The following RELB variants were observed in gnomAD, a reference collection of about 807,000 sequenced individuals.
RELB encodes transcription factor RelB.
RELB carries 14 observed loss-of-function variants against 55.4 expected under a neutral mutation model. That is an observed-to-expected ratio of 0.25 (90% CI 0.17 to 0.40). The LOEUF (loss-of-function observed/expected upper bound fraction) is 0.40. Among genes scored for constraint, RELB ranks in the 10% least tolerant of loss-of-function variants. The pLI is 1.00. For missense variants in RELB, 669 were observed against 830.7 expected, an observed-to-expected ratio of 0.81 and a Z score of 2.39; for synonymous variants, 409 against 371.3, an observed-to-expected ratio of 1.10 and a Z score of -1.17.
At chr19:45,027,629 A>G (rs1844229481) in intron 7 of RELB, among the ~76,000 whole-genome samples, 1 of 152,052 alleles carries the variant, frequency 6.6e-6, no homozygotes, top group African/African-American at 2.4e-5. Context: ...GCATGCGCTC[A>G]ATTACTGCTG....
chr19:45,003,279 G>T (rs1318927898), intron 2 of RELB, among the ~76,000 whole-genome samples: 1 of 152,050 alleles, frequency 6.6e-6, no homozygotes, highest in East Asian at 1.9e-4. Context: ...AGACCATCCT[G>T]GCTAACACGG....
chr19:45,022,074 C>A lies in RELB; in HGVS notation c.526C>A (p.Arg176=), dbSNP rs1207285652. ...AIELRDCGGL[R]EVEVTACLVW... ...GCAGCTCCGGGATTGTGGAGGGCTG[C>A]GGGAGGTGGAGGTGACTGCCTGCCT... Residue 176 remains arginine, a synonymous_variant, in exon 5 of 12, where the codon CGG becomes AGG. Coordinates refer to ENST00000221452, the MANE Select transcript of RELB (RefSeq NM_006509.4). 6.2e-7 allele frequency: 1 copy of A among 1,611,806 alleles called. No homozygotes were observed. Among genetic ancestry groups the A allele is most frequent in the Non-Finnish European group, 8.5e-7 (1 of 1,178,948 alleles).
At position 45,032,682 on chromosome 19, in the gene RELB, C is replaced by T; in HGVS notation, c.1140C>T (p.Phe380=). 6.2e-7 allele frequency: 1 copy of T among 1,611,254 alleles called. No individual in the cohort carries two copies. The highest frequency in any genetic ancestry group is 8.5e-7 in the Non-Finnish European group (1 of 1,178,906). ...EIVEPVTVNV[F]LQRLTDGVCS... ...TCGAGCCCGTGACAGTCAACGTCTT[C>T]CTGCAGCGGCTCACCGATGGGGTCT... Residue 380 remains phenylalanine (F), a synonymous_variant, in exon 9 of 12, where the codon TTC becomes TTT. Coordinates refer to ENST00000221452, the MANE Select transcript of RELB (RefSeq NM_006509.4).
chr19:45,025,825 G>A (rs565179150), intron 7 of RELB, 88 bp downstream of exon 7: 17 of 1,533,610 alleles, frequency 1.1e-5, no homozygotes, highest in African/African-American at 8.2e-5. Flanking sequence ...TGGCTCAGGC[G>A]CTGTGGCTCA....
chr19:45,022,295 G>A, intron 5 of RELB, 85 bp downstream of exon 5: 1 of 1,383,498 alleles, frequency 7.2e-7, no homozygotes, highest in African/African-American at 1.4e-5. Context: ...CTTTAGAGCA[G>A]AGGGCAGCTT....
chr19:45,018,678 T>A lies in RELB; in HGVS notation c.505-3375T>A, dbSNP rs148714499. Among the ~76,000 whole-genome samples, 241 of 151,932 alleles carry A rather than the reference T, an allele frequency of 1.6e-3. 2 individuals carry two copies. The highest frequency in any genetic ancestry group is 5.5e-3 in the African/African-American group (229 of 41,486). ...GTGAGTGCCTGTTATTTATTTATTT[T>A]TTTTTAATTTTTTTTGAGACAGAGT... On this transcript the variant is annotated intron_variant, in intron 4 of 11. Transcript: ENST00000221452.
chr19:45,004,587 G>A (rs1039957491), intron 2 of RELB, among the ~76,000 whole-genome samples: 7 of 151,554 alleles, frequency 4.6e-5, no homozygotes, highest in Admixed American at 3.3e-4. Flanking sequence ...ACATAATGTC[G>A]CCTGATGTGG....
chr19:45,037,044 C>T (rs908633439), intron 11 of RELB, among the ~76,000 whole-genome samples: 4 of 152,024 alleles, frequency 2.6e-5, no homozygotes, highest in African/African-American at 9.7e-5. Flanking sequence ...TTTGGGAGGC[C>T]GAAGCAGGTG....
intron 5 of RELB, among the ~76,000 whole-genome samples, chr19:45,024,598 G>A (rs35771830): frequency 0.011 from 1,618 of 152,198 alleles, 25 homozygotes; most frequent in African/African-American, 0.037. Context: ...TCGCCAGGCT[G>A]AAGTGCAGTG....
At chr19:45,021,256 G>A (rs963589275) in intron 4 of RELB, among the ~76,000 whole-genome samples, 6 of 151,780 alleles carry the variant, frequency 4.0e-5, no homozygotes, top group Admixed American at 3.3e-4. Flanking sequence ...GGCGGATCAC[G>A]AGGTCAGGAG....
intron 2 of RELB, among the ~76,000 whole-genome samples, chr19:45,006,815 G>A (rs893000159): frequency 1.3e-5 from 2 of 151,776 alleles, no homozygotes; most frequent in Admixed American, 1.3e-4. Flanking sequence ...ACGAAAATTA[G>A]CTGGGTGTGG....
At chr19:45,002,488 A>G (rs1044542970) in intron 1 of RELB, among the ~76,000 whole-genome samples, 63 of 152,106 alleles carry the variant, frequency 4.1e-4, no homozygotes, top group Admixed American at 9.8e-4. Flanking sequence ...GAGTAGCTGG[A>G]ATTACAGGTG....
intron 7 of RELB, 109 bp downstream of exon 7, chr19:45,025,846 C>T: frequency 1.4e-6 from 2 of 1,401,626 alleles, no homozygotes; most frequent in Non-Finnish European, 2.0e-6. Flanking sequence ...CGCCTGTAAT[C>T]CCAACACTTT....
chr19:45,034,556 G>T (rs2122495552), intron 11 of RELB, 28 bp downstream of exon 11: 1 of 1,564,860 alleles, frequency 6.4e-7, no homozygotes, highest in Admixed American at 1.9e-5. Context: ...ATAAGCCCCT[G>T]TCCCCTGGGT....
At chr19:45,026,332 G>A (rs909846689) in intron 7 of RELB, among the ~76,000 whole-genome samples, 1 of 152,112 alleles carries the variant, frequency 6.6e-6, no homozygotes, top group Non-Finnish European at 1.5e-5. Context: ...GAGCCCAGGA[G>A]GTTGAGGCTG....
chr19:45,011,447 C>G (rs1359828272), intron 3 of RELB, among the ~76,000 whole-genome samples: 1 of 152,058 alleles, frequency 6.6e-6, no homozygotes, highest in East Asian at 1.9e-4. Flanking sequence ...CAGGCATGAG[C>G]CACCGCGCCC....
At chr19:45,037,261 G>A (rs1450436741) in intron 11 of RELB, 144 bp from the exon 12 acceptor site, 1 of 889,058 alleles carries the variant, frequency 1.1e-6, no homozygotes, top group Non-Finnish European at 1.7e-6. Context: ...CAGCCAGGGT[G>A]ACAGAATGAG....
intron 1 of RELB, 35 bp downstream of exon 1, chr19:45,001,720 GGCGGGGCTGGAGAT>G: frequency 2.2e-6 from 3 of 1,379,188 alleles, no homozygotes; most frequent in South Asian, 2.6e-5. Flanking sequence ...AGGGGTCTGG[GGCGGGGCTGGAGAT>G]GCGGGGATTC....
At chr19:45,027,025 C>A (rs973807585) in intron 7 of RELB, among the ~76,000 whole-genome samples, 38 of 151,914 alleles carry the variant, frequency 2.5e-4, no homozygotes, top group Non-Finnish European at 1.6e-4. Flanking sequence ...GTCAGGAGAT[C>A]GAGACCATCC....
Sources: gnomAD v4.1 joint callset for allele counts (sites outside exome capture counted in the v4.1 genomes callset) on GRCh38, gnomAD v4.1.1 for gene constraint, MANE v1.5 for transcripts, NCBI Gene and HGNC (gene_info 2026-07-23, HGNC 2026-07-21) for gene names.